The following MARCHF1 variants were observed in gnomAD, a reference collection of about 807,000 sequenced individuals.
MARCHF1 encodes the protein E3 ubiquitin-protein ligase MARCHF1.
MARCHF1 carries 40 observed loss-of-function variants against 54.2 expected under a neutral mutation model. The observed-to-expected ratio is 0.74, with a 90% CI of 0.57 to 0.96. MARCHF1 has a LOEUF of 0.96. Among genes scored for constraint, MARCHF1 ranks in the 40% least tolerant of loss-of-function variants. The pLI, the probability that MARCHF1 is intolerant of heterozygous loss-of-function variation, is 0.00. For synonymous variants in MARCHF1, 236 were observed against 236.3 expected (o/e 1.00, Z 0.01); for missense variants, 586 against 656.5 (o/e 0.89, Z 1.17).
intron 2 of MARCHF1, among the ~76,000 whole-genome samples, chr4:164,056,388 G>T (rs1754490717): frequency 6.6e-6 from 1 of 152,136 alleles, no homozygotes; most frequent in Non-Finnish European, 1.5e-5. Flanking sequence ...ACCTACACTG[G>T]CTCAAGAAAT....
intron 5 of MARCHF1, among the ~76,000 whole-genome samples, chr4:163,628,299 A>G (rs1741944481): frequency 1.3e-5 from 2 of 152,234 alleles, no homozygotes; most frequent in African/African-American, 4.8e-5. Context: ...AACCAACGAC[A>G]AAAACCACAT....
chr4:164,008,938 A>G (rs1247176135), intron 2 of MARCHF1, among the ~76,000 whole-genome samples: 1 of 152,022 alleles, frequency 6.6e-6, no homozygotes, highest in South Asian at 2.1e-4. Context: ...CCCAATTAGT[A>G]GAAGGAAAGA....
At chr4:163,826,145 ATTGT>A (rs566594353) in intron 4 of MARCHF1, among the ~76,000 whole-genome samples, 89 of 152,152 alleles carry the variant, frequency 5.8e-4, no homozygotes, top group African/African-American at 2.1e-3. Flanking sequence ...GAAATATTTT[ATTGT>A]TTAATTTACT....
At chr4:163,694,381 A>G (rs927654524) in intron 5 of MARCHF1, among the ~76,000 whole-genome samples, 23 of 152,180 alleles carry the variant, frequency 1.5e-4, no homozygotes, top group African/African-American at 5.3e-4. Context: ...GCATGTAAAG[A>G]GAATCAAAAT....
At chr4:163,535,202 A>C (rs571469852) in intron 9 of MARCHF1, among the ~76,000 whole-genome samples, 137 of 152,178 alleles carry the variant, frequency 9.0e-4, no homozygotes, top group African/African-American at 3.1e-3. Context: ...TTGGAAAAAA[A>C]ATTGAGGGGG....
At chr4:164,121,767 AAAG>A (rs1756071547) in intron 1 of MARCHF1, among the ~76,000 whole-genome samples, 1 of 152,156 alleles carries the variant, frequency 6.6e-6, no homozygotes, top group African/African-American at 2.4e-5. Flanking sequence ...TCAAAAATTC[AAAG>A]AAGAACTAAT....
chr4:163,643,158 CA>C (rs34228966), intron 5 of MARCHF1, among the ~76,000 whole-genome samples: 15,914 of 104,128 alleles, frequency 0.15, 1,742 homozygotes, highest in East Asian at 0.39. Context: ...ACTATAAATA[CA>C]AAAAAAAAAA....
chr4:164,010,791 G>T (rs1753404613), intron 2 of MARCHF1, among the ~76,000 whole-genome samples: 1 of 151,862 alleles, frequency 6.6e-6, no homozygotes. Flanking sequence ...AAGCACAAAA[G>T]ACACCAAATA....
intron 4 of MARCHF1, among the ~76,000 whole-genome samples, chr4:163,722,846 C>A (rs1382191996): frequency 1.3e-5 from 2 of 152,096 alleles, no homozygotes; most frequent in Non-Finnish European, 2.9e-5. Flanking sequence ...AGGATTGCAA[C>A]CCCTGCCTTT....
intron 1 of MARCHF1, among the ~76,000 whole-genome samples, chr4:164,291,539 C>T (rs554234121): frequency 8.6e-5 from 13 of 152,002 alleles, no homozygotes; most frequent in African/African-American, 3.1e-4. Context: ...AGAAATGTGC[C>T]ATTTGATTAT....
chr4:164,131,384 A>C (rs1257845880), intron 1 of MARCHF1, among the ~76,000 whole-genome samples: 1 of 152,080 alleles, frequency 6.6e-6, no homozygotes, highest in Non-Finnish European at 1.5e-5. Context: ...GTCTATGTGA[A>C]AAAATTCTTT....
chr4:163,578,983 C>T (rs572694091), intron 8 of MARCHF1, among the ~76,000 whole-genome samples: 9 of 152,258 alleles, frequency 5.9e-5, no homozygotes, highest in South Asian at 2.1e-4. Context: ...ACTATGTTTA[C>T]GGATGGATGC....
intron 4 of MARCHF1, among the ~76,000 whole-genome samples, chr4:163,732,319 G>T (rs1745868684): frequency 1.3e-5 from 2 of 151,952 alleles, no homozygotes; most frequent in African/African-American, 4.8e-5. Context: ...AATAATCAGT[G>T]AACTTGAAGA....
At chr4:163,835,551 AT>A (rs1749157561) in intron 4 of MARCHF1, among the ~76,000 whole-genome samples, 1 of 152,144 alleles carries the variant, frequency 6.6e-6, no homozygotes, top group South Asian at 2.1e-4. Flanking sequence ...ACTATAACCA[AT>A]CCAGCTGTTT....
intron 3 of MARCHF1, among the ~76,000 whole-genome samples, chr4:163,928,586 G>T (rs187918298): frequency 6.6e-6 from 1 of 152,112 alleles, no homozygotes; most frequent in East Asian, 1.9e-4. Context: ...AGAAAGGTGA[G>T]TTGCTATATT....
intron 3 of MARCHF1, among the ~76,000 whole-genome samples, chr4:163,911,315 T>C (rs1053364456): frequency 6.6e-6 from 1 of 152,200 alleles, no homozygotes; most frequent in East Asian, 1.9e-4. Flanking sequence ...ACCTCTTTGT[T>C]GGAACACACG....
chr4:163,887,182 CTG>C (rs759712439), intron 3 of MARCHF1, among the ~76,000 whole-genome samples: 18 of 151,754 alleles, frequency 1.2e-4, no homozygotes, highest in East Asian at 5.8e-4. Context: ...GTGATAATGA[CTG>C]TAAGAAAAGA....
intron 2 of MARCHF1, among the ~76,000 whole-genome samples, chr4:164,032,241 A>G (rs1649655957): frequency 1.3e-5 from 2 of 151,916 alleles, no homozygotes; most frequent in Admixed American, 1.3e-4. Context: ...TTATTAGTCT[A>G]GCTAGTGGGG....
intron 5 of MARCHF1, among the ~76,000 whole-genome samples, chr4:163,655,377 C>T (rs559675550): frequency 1.3e-5 from 2 of 151,648 alleles, no homozygotes; most frequent in African/African-American, 4.8e-5. Context: ...CTGAACTATC[C>T]TAAATACAGG....
Sources: gnomAD v4.1 joint callset for allele counts (sites outside exome capture counted in the v4.1 genomes callset) on GRCh38, gnomAD v4.1.1 for gene constraint, MANE v1.5 for transcripts, NCBI Gene and HGNC (gene_info 2026-07-23, HGNC 2026-07-21) for gene names.